NUP37: variants seen among roughly 807,000 people sequenced by gnomAD.
The protein encoded by NUP37 is nucleoporin Nup37.
In NUP37, 33 loss-of-function variants were observed where a neutral mutation model predicts 45.4. The observed-to-expected ratio is 0.73, with a 90% CI of 0.55 to 0.97. The LOEUF is 0.97. NUP37 is among the 50% of genes least tolerant of loss of function. The probability of loss-of-function intolerance (pLI) is 0.00; values close to 1 mark genes in which losing one functional copy is unlikely to be tolerated. For missense variants in NUP37, 365 were observed against 389.7 expected (o/e 0.94, Z 0.53); for synonymous variants, 127 against 130.7 (o/e 0.97, Z 0.19).
intron 1 of NUP37, chr12:102,119,213 AG>A (rs1880621010): frequency 6.6e-6 from 1 of 152,256 alleles, no homozygotes; most frequent in South Asian, 2.1e-4. Flanking sequence ...TAGAAAATAC[AG>A]GATCTGTTGT....
chr12:102,098,937 T>C (rs575195571), intron 5 of NUP37, among the ~76,000 whole-genome samples, 169 bp downstream of exon 5: 32 of 152,260 alleles, frequency 2.1e-4, no homozygotes, highest in Non-Finnish European at 3.8e-4. Flanking sequence ...ACTATCTCAC[T>C]GGTTTTGAAA....
chr12:102,099,222 A>T, intron 4 of NUP37, 22 bp from the exon 5 acceptor site: 1 of 1,534,552 alleles, frequency 6.5e-7, no homozygotes, highest in Non-Finnish European at 9.0e-7. Context: ...AGAAACAGAA[A>T]GCTTAGCAAG....
chr12:102,098,505 A>G (rs1447854564), intron 5 of NUP37, among the ~76,000 whole-genome samples: 3 of 151,894 alleles, frequency 2.0e-5, no homozygotes, highest in East Asian at 3.9e-4. Flanking sequence ...ATCTTGTCCA[A>G]TATTGAAGAA....
intron 3 of NUP37, 138 bp downstream of exon 3, chr12:102,111,970 T>C (rs1880329506): frequency 1.3e-6 from 1 of 743,030 alleles, no homozygotes; most frequent in Non-Finnish European, 2.2e-6. Context: ...TATTAAGTAG[T>C]AGCAAATATC....
Position 102,085,707 on chromosome 12 carries a change from G to A in NUP37, c.540+59C>T. 5 of 778,742 alleles carry A rather than the reference G, an allele frequency of 6.4e-6. No individual in the cohort carries two copies. In the South Asian group the frequency reaches 9.1e-5, roughly 14 times the overall value. The allele number at this position is 778,742 out of a possible 1,614,324, so 48.2% of individuals were successfully genotyped here. ...GATCTTCCTCCTCTATGTATGTGAT[G>A]TCTTATATCTCTATAAGTCTTTTCA... On this transcript the variant is annotated intron_variant, in intron 6 of 9. Transcript: ENST00000552283.
intron 3 of NUP37, among the ~76,000 whole-genome samples, chr12:102,102,367 G>A (rs540769836): frequency 7.2e-4 from 109 of 152,070 alleles, no homozygotes; most frequent in Admixed American, 1.4e-3. Flanking sequence ...TCTTCTCAGA[G>A]GCAAAATTAA....
intron 5 of NUP37, among the ~76,000 whole-genome samples, chr12:102,086,257 AAC>A (rs1444704070): frequency 5.3e-5 from 8 of 152,274 alleles, no homozygotes; most frequent in South Asian, 2.1e-4. Context: ...GGCGCTTACA[AAC>A]ACACACACGC....
intron 2 of NUP37, among the ~76,000 whole-genome samples, chr12:102,116,913 A>T (rs1299110421): frequency 6.6e-6 from 1 of 152,182 alleles, no homozygotes; most frequent in Admixed American, 6.5e-5. Flanking sequence ...GAGGCAGGAT[A>T]ATTGCTTGAC....
intron 2 of NUP37, among the ~76,000 whole-genome samples, chr12:102,113,092 C>T (rs964745390): frequency 3.9e-5 from 6 of 152,166 alleles, no homozygotes; most frequent in Admixed American, 6.5e-5. Context: ...AGACAATAAC[C>T]TGAAAAGTTC....
intron 2 of NUP37, among the ~76,000 whole-genome samples, chr12:102,113,182 C>T (rs143646924): frequency 1.1e-4 from 17 of 152,260 alleles, no homozygotes; most frequent in African/African-American, 3.9e-4. Context: ...AGGGTATCTG[C>T]CTACATGCAA....
chr12:102,077,268 C>T, intron 7 of NUP37, 54 bp downstream of exon 7: 2 of 1,571,330 alleles, frequency 1.3e-6, no homozygotes, highest in Non-Finnish European at 1.8e-6. Context: ...GATCATTTAG[C>T]AACAGTTACT....
intron 6 of NUP37, chr12:102,079,217 C>G (rs1879265970): frequency 2.2e-6 from 1 of 455,788 alleles, no homozygotes. Flanking sequence ...TCTTTCATAT[C>G]TGTAAAATGG....
intron 5 of NUP37, among the ~76,000 whole-genome samples, chr12:102,095,207 A>C (rs1293004604): frequency 1.3e-5 from 2 of 152,102 alleles, no homozygotes; most frequent in African/African-American, 4.8e-5. Context: ...AGCTTAACCC[A>C]CTAAATACTT....
chr12:102,093,399 T>A (rs1269191847), intron 5 of NUP37, among the ~76,000 whole-genome samples: 1 of 152,068 alleles, frequency 6.6e-6, no homozygotes, highest in Non-Finnish European at 1.5e-5. Context: ...ATTATTAACA[T>A]CTCATTTAAC....
intron 6 of NUP37, among the ~76,000 whole-genome samples, chr12:102,078,224 G>C (rs1324311690): frequency 1.3e-5 from 2 of 152,094 alleles, no homozygotes; most frequent in East Asian, 3.9e-4. Context: ...AGCTACTCGG[G>C]AGGCTGAGGC....
At position 102,106,039 on chromosome 12, in the gene NUP37, A is replaced by C. The variant is rs187006319; in HGVS notation, c.282-4935T>G. ...CAAAATTTAACAATGAATGAACACAAAAAAGGATAAACACAGAGGAGATAT... is the reference window on the plus strand; with the variant it reads ...CAAAATTTAACAATGAATGAACACACAAAAGGATAAACACAGAGGAGATAT... On this transcript the variant is annotated intron_variant, in intron 3 of 9. Coordinates refer to ENST00000552283, the MANE Select transcript of NUP37 (RefSeq NM_024057.4). Among the ~76,000 whole-genome samples the C allele has an allele frequency of 1.9e-4, 29 of 152,254 alleles. No individual in the cohort carries two copies. The East Asian group carries it at 4.8e-3, about 25-fold the overall frequency.
At chr12:102,074,553 T>G (rs1429103514) in intron 9 of NUP37, 86 bp from the exon 10 acceptor site, 4 of 774,374 alleles carry the variant, frequency 5.2e-6, no homozygotes, top group Non-Finnish European at 8.5e-6. Flanking sequence ...TGAAATGCAT[T>G]GATGATTTAT....
At chr12:102,105,861 C>CAAA (rs759252411) in intron 3 of NUP37, among the ~76,000 whole-genome samples, 6 of 73,676 alleles carry the variant, frequency 8.1e-5, no homozygotes, top group East Asian at 3.2e-4. Context: ...GACTCCCTCT[C>CAAA]AAAAAAAAAA....
intron 6 of NUP37, among the ~76,000 whole-genome samples, chr12:102,080,949 T>C (rs2136715086): frequency 6.6e-6 from 1 of 152,350 alleles, no homozygotes; most frequent in South Asian, 2.1e-4. Flanking sequence ...TACCTGAGCC[T>C]GGTCCGAAGG....
Sources: allele counts gnomAD v4.1 joint callset (sites outside exome capture counted in the v4.1 genomes callset), GRCh38; gene constraint gnomAD v4.1.1; transcripts MANE v1.5; gene names NCBI Gene and HGNC (gene_info 2026-07-23, HGNC 2026-07-21).